The following SGCD variants were observed in gnomAD, a reference collection of about 807,000 sequenced individuals.
The protein encoded by SGCD is delta-sarcoglycan.
A neutral mutation model predicts 36.6 loss-of-function variants in SGCD; 18 were observed. The ratio of observed to expected loss-of-function variants is 0.49; its 90% CI spans 0.34 to 0.73. The LOEUF is 0.73. Among genes scored for constraint, SGCD ranks in the 30% least tolerant of loss-of-function variants. SGCD has a pLI of 0.01. For synonymous variants in SGCD, 133 were observed against 130.6 expected, an observed-to-expected ratio of 1.02 and a Z score of -0.12; for missense variants, 387 against 346.7, an observed-to-expected ratio of 1.12 and a Z score of -0.92.
chr5:155,995,554 A>G (rs1363156213), intron 1 of SGCD, among the ~76,000 whole-genome samples: 2 of 152,216 alleles, frequency 1.3e-5, no homozygotes, highest in African/African-American at 4.8e-5. Flanking sequence ...ATTGAATACA[A>G]CAAACATTTA....
chr5:156,307,317 C>T (rs983710503), intron 3 of SGCD, among the ~76,000 whole-genome samples: 4 of 152,106 alleles, frequency 2.6e-5, no homozygotes, highest in African/African-American at 9.7e-5. Context: ...AAGTGCTGCA[C>T]AGATGTGAGC....
In SGCD at chr5:156,229,275, T is replaced by TACATATATATATATATATATATAC. The variant is rs1554085584; in HGVS notation, c.-43-100236_-43-100235insCACATATATATATATATATATATA. ...ATACATACATACATATATATATACA[T>TACATATATATATATATATATATAC]ACATATATATATATATATATATATA... On this transcript the variant is annotated intron_variant, in intron 3 of 9. Coordinates refer to the SGCD transcript ENST00000517913. 3.6e-5 allele frequency among the ~76,000 whole-genome samples: 2 copies of TACATATATATATATATATATATAC among 55,102 alleles called. 1 individual carries two copies. The highest frequency in any genetic ancestry group is 0.016 in the Middle Eastern group (2 of 126). 36.1% of individuals were successfully genotyped at this position (55,102 alleles called of 152,430 possible).
chr5:156,496,835 C>A (rs1172208597), intron 3 of SGCD, among the ~76,000 whole-genome samples: 2 of 152,040 alleles, frequency 1.3e-5, no homozygotes, highest in Non-Finnish European at 1.5e-5. Context: ...TCATCTGTAT[C>A]CCTGAGTGAC....
rs951283897 is a variant in SGCD at position 156,763,622 on chromosome 5, T to A, written c.*4232T>A. On this transcript the variant is annotated 3_prime_UTR_variant, in exon 9 of 9. Transcript: ENST00000337851. ...TATTTTGAAAAGACATATTCTGACA[T>A]CTCTGCTTGTGTGTGGTAAGGCAGG... 1.3e-5 allele frequency: 2 copies of A among 152,066 alleles called. No homozygotes were observed. The highest frequency in any genetic ancestry group is 1.3e-4 in the Admixed American group (2 of 15,252). The allele number at this position is 152,066 out of a possible 1,614,324, so 9.4% of individuals were successfully genotyped here.
chr5:156,689,655 G>A (rs978154250), intron 7 of SGCD, among the ~76,000 whole-genome samples: 4 of 152,182 alleles, frequency 2.6e-5, no homozygotes, highest in African/African-American at 9.6e-5. Flanking sequence ...CATCCAAATT[G>A]AGAATTTGGG....
At chr5:156,130,757 G>A (rs1435254175) in intron 3 of SGCD, among the ~76,000 whole-genome samples, 1 of 150,476 alleles carries the variant, frequency 6.6e-6, no homozygotes, top group African/African-American at 2.5e-5. Flanking sequence ...ATGGAGTTTC[G>A]CTCTTGTCAC....
chr5:156,205,589 G>T (rs966910812), intron 3 of SGCD, among the ~76,000 whole-genome samples: 1 of 152,144 alleles, frequency 6.6e-6, no homozygotes, highest in South Asian at 2.1e-4. Flanking sequence ...GTGTCTGTGA[G>T]TTTTCCAGCC....
chr5:156,335,632 C>G (rs1330385645), intron 2 of SGCD, among the ~76,000 whole-genome samples: 1 of 152,174 alleles, frequency 6.6e-6, no homozygotes, highest in African/African-American at 2.4e-5. Flanking sequence ...GTCTCTTCCC[C>G]TATCATTCCC....
In SGCD at chr5:156,269,509, A is replaced by AC. The variant is rs1296653979; in HGVS notation, c.-43-60025_-43-60024insC. On this transcript the variant is annotated intron_variant, in intron 3 of 9. Coordinates refer to the SGCD transcript ENST00000517913. Reference sequence around the variant, plus strand: ...AAAAAAAAAAAAAAAAAAAAAAAAAAACCATCAGATCTCATGAAACTTATT... The same window carrying AC: ...AAAAAAAAAAAAAAAAAAAAAAAAAACACCATCAGATCTCATGAAACTTATT... Among the ~76,000 whole-genome samples the AC allele has an allele frequency of 1.9e-4, 26 of 138,364 alleles. 2 individuals carry two copies. The highest frequency in any genetic ancestry group is 3.1e-4 in the Non-Finnish European group (20 of 63,834). The allele number at this position is 138,364 out of a possible 152,430, so 90.8% of individuals were successfully genotyped here. A position where few individuals can be genotyped will look rare whatever the true frequency, so the allele number is the denominator to read the frequency against.
chr5:155,819,543 C>T, the SGCD span, among the ~76,000 whole-genome samples: 2 of 152,122 alleles, frequency 1.3e-5, no homozygotes, highest in Non-Finnish European at 2.9e-5. Flanking sequence ...ATAATCCTCC[C>T]CACAACCTTG....
At chr5:156,074,746 A>G (rs1327794735) in intron 1 of SGCD, among the ~76,000 whole-genome samples, 1 of 152,234 alleles carries the variant, frequency 6.6e-6, no homozygotes, top group Non-Finnish European at 1.5e-5. Flanking sequence ...CAAAAACATG[A>G]CAGAGCACTT....
At chr5:156,653,493 C>CTTTTGTTTTTTTTTTTTTTTTTT (rs1763545708) in intron 7 of SGCD, among the ~76,000 whole-genome samples, 1 of 48,104 alleles carries the variant, frequency 2.1e-5, no homozygotes, top group African/African-American at 6.4e-5. Flanking sequence ...CTAAAGCTTG[C>CTTTTGTTTTTTTTTTTTTTTTTT]TTTTTTTTTT....
chr5:156,465,202 G>A (rs547246813), intron 3 of SGCD, among the ~76,000 whole-genome samples: 2 of 152,184 alleles, frequency 1.3e-5, no homozygotes, highest in East Asian at 3.9e-4. Flanking sequence ...ACCTGTTACA[G>A]GTAAGGACCT....
chr5:155,797,546 A>G, the SGCD span, among the ~76,000 whole-genome samples: 216 of 152,364 alleles, frequency 1.4e-3, 2 homozygotes, highest in Admixed American at 2.7e-3. Flanking sequence ...ATAAGTGGAC[A>G]GAAGTACAGA....
intron 2 of SGCD, among the ~76,000 whole-genome samples, chr5:156,329,882 T>C (rs1218833754): frequency 6.6e-6 from 1 of 151,444 alleles, no homozygotes; most frequent in South Asian, 2.1e-4. Context: ...CCGGACATGG[T>C]GGTGGGCGCC....
At chr5:156,438,906 C>A (rs1286490691) in intron 3 of SGCD, among the ~76,000 whole-genome samples, 1 of 152,056 alleles carries the variant, frequency 6.6e-6, no homozygotes, top group Admixed American at 6.6e-5. Context: ...AGAATTAAGT[C>A]TTTTAATCAA....
chr5:156,548,967 TC>T (rs1581153504), intron 4 of SGCD, among the ~76,000 whole-genome samples: 1 of 151,920 alleles, frequency 6.6e-6, no homozygotes, highest in East Asian at 1.9e-4. Flanking sequence ...AGCCTTGAGC[TC>T]CTTAAGGTTC....
intron 3 of SGCD, among the ~76,000 whole-genome samples, chr5:156,369,552 C>T (rs1024217166): frequency 6.6e-6 from 1 of 152,180 alleles, no homozygotes; most frequent in Admixed American, 6.5e-5. Context: ...AAAGGAGGTG[C>T]ATGTGCCTTG....
chr5:156,078,514 A>G (rs1187383736), intron 1 of SGCD, among the ~76,000 whole-genome samples: 2 of 131,842 alleles, frequency 1.5e-5, no homozygotes, highest in South Asian at 2.2e-4. Context: ...CTGTCTCAAA[A>G]AAAAAAATAT....
Sources: allele counts gnomAD v4.1 joint callset (sites outside exome capture counted in the v4.1 genomes callset), GRCh38; gene constraint gnomAD v4.1.1; transcripts MANE v1.5; gene names NCBI Gene and HGNC (gene_info 2026-07-23, HGNC 2026-07-21).